The following CFAP45 variants were observed in gnomAD, a reference collection of about 807,000 sequenced individuals.
The protein encoded by CFAP45 is cilia- and flagella-associated protein 45.
CFAP45 carries 43 observed loss-of-function variants against 75.6 expected under a neutral mutation model. The observed-to-expected ratio is 0.57, with a 90% CI of 0.45 to 0.73. The LOEUF is 0.73. CFAP45 is among the 30% of genes least tolerant of loss of function. The probability of loss-of-function intolerance (pLI) is 0.00; values close to 1 mark genes in which losing one functional copy is unlikely to be tolerated. For missense variants in CFAP45, 689 were observed against 701.5 expected, an observed-to-expected ratio of 0.98 and a Z score of 0.20; for synonymous variants, 223 against 244.6, an observed-to-expected ratio of 0.91 and a Z score of 0.82.
Position 159,877,423 on chromosome 1 carries a change from G to A in CFAP45, c.1084C>T (p.Arg362Trp), listed in dbSNP as rs776738795. 61 of 1,613,912 alleles carry A rather than the reference G, an allele frequency of 3.8e-5. No homozygotes were observed. The Middle Eastern group carries it at 4.9e-4, about 13-fold the overall frequency. Residue 362 changes from arginine (R) to tryptophan (W), a missense_variant, in exon 9 of 12, where the codon CGG (arginine) becomes TGG (tryptophan). Physicochemically the swap from Arg to Trp is moderately radical, Grantham distance 101. Coordinates refer to ENST00000368099, the MANE Select transcript of CFAP45 (RefSeq NM_012337.3). ...AEFEAEQERIRREKEKEIARL... is the reference protein window; with the variant it reads ...AEFEAEQERIWREKEKEIARL... ...GCGATCTCCTTCTCTTTCTCCCTCCGGATTCTCTCCTGCTCAGCCTCAAAC... is the reference window on the plus strand; with the variant it reads ...GCGATCTCCTTCTCTTTCTCCCTCCAGATTCTCTCCTGCTCAGCCTCAAAC...
chr1:159,879,330 C>T (rs1025934310), intron 8 of CFAP45, among the ~76,000 whole-genome samples: 1 of 152,184 alleles, frequency 6.6e-6, no homozygotes, highest in Non-Finnish European at 1.5e-5. Context: ...ATCATCCCCA[C>T]CTTCATTCAC....
rs1389293192 is a variant in CFAP45, at chr1:159,887,940, A to G, written c.489T>C (p.Ser163=). ...GTTCCTTGGCCACCTCCTCCAGGTCACTGAGCTTCTTGTTGTTGTTCCACA... is the reference window on the plus strand; with the variant it reads ...GTTCCTTGGCCACCTCCTCCAGGTCGCTGAGCTTCTTGTTGTTGTTCCACA... ...EMVWNNNKKL[S]DLEEVAKERA... The change falls in exon 5 of 12, where the codon AGT becomes AGC. Residue 163 remains serine, a synonymous_variant. Coordinates refer to ENST00000368099, the MANE Select transcript of CFAP45 (RefSeq NM_012337.3). 9.3e-6 allele frequency: 15 copies of G among 1,614,192 alleles called. No homozygotes were observed. Among genetic ancestry groups the G allele is most frequent in the Non-Finnish European group, 1.2e-5 (14 of 1,180,028 alleles).
chr1:159,872,958 C>A lies in CFAP45; in HGVS notation c.1563G>T (p.Lys521Asn). The A allele has an allele frequency of 1.2e-6, 2 of 1,614,194 alleles. No homozygotes were observed. The change falls in exon 11 of 12, where the codon AAG (lysine) becomes AAT (asparagine). Residue 521 changes from lysine to asparagine, a missense_variant. Coordinates refer to ENST00000368099, the MANE Select transcript of CFAP45 (RefSeq NM_012337.3). ...RERIDEIKRK[K>N]LEELRATGLP... ...TTCCAGCGCACCTCAGCTCTTCAAG[C>A]TTTTTCCTCTTGATCTCATCGATGC... is the stretch of plus-strand genomic sequence containing the variant.
At chr1:159,897,971 G>T in intron 1 of CFAP45, 1 of 271,224 alleles carries the variant, frequency 3.7e-6, no homozygotes, top group Non-Finnish European at 5.7e-6. Flanking sequence ...GGCTAGAATA[G>T]GTCAGTGTGA....
intron 4 of CFAP45, 41 bp from the exon 5 acceptor site, chr1:159,888,052 G>A (rs1571186241): frequency 6.3e-7 from 1 of 1,595,612 alleles, no homozygotes; most frequent in Non-Finnish European, 8.6e-7. Context: ...ATTATTTCAT[G>A]CGCTCTGTGC....
intron 1 of CFAP45, among the ~76,000 whole-genome samples, chr1:159,899,710 G>A (rs373566002): frequency 6.6e-6 from 1 of 151,180 alleles, no homozygotes; most frequent in Non-Finnish European, 1.5e-5. Context: ...CTCATGATCC[G>A]CCCGCCTCTG....
chr1:159,893,613 G>A (rs1038346801), intron 1 of CFAP45, among the ~76,000 whole-genome samples: 1 of 152,174 alleles, frequency 6.6e-6, no homozygotes, highest in Non-Finnish European at 1.5e-5. Flanking sequence ...GAGAGGAAGG[G>A]GAGGGGCATG....
At chr1:159,873,191 G>C in intron 10 of CFAP45, 23 bp from the exon 11 acceptor site, 4 of 1,604,262 alleles carry the variant, frequency 2.5e-6, no homozygotes, top group Non-Finnish European at 3.4e-6. Flanking sequence ...AACAGGAATG[G>C]AATGAACTCA....
At chr1:159,877,127 G>A (rs908439152) in intron 9 of CFAP45, among the ~76,000 whole-genome samples, 7 of 152,310 alleles carry the variant, frequency 4.6e-5, no homozygotes, top group Middle Eastern at 3.4e-3. Flanking sequence ...ATGGAGCAGC[G>A]AAAAACTTTC....
chr1:159,880,518 A>T (rs1185368866), intron 8 of CFAP45, 36 bp downstream of exon 8: 1 of 1,599,452 alleles, frequency 6.3e-7, no homozygotes, highest in East Asian at 2.2e-5. Flanking sequence ...CAGACATTCC[A>T]TTCCTAACCA....
chr1:159,883,098 A>C (rs1000804132), intron 7 of CFAP45, among the ~76,000 whole-genome samples: 2 of 152,200 alleles, frequency 1.3e-5, no homozygotes, highest in Non-Finnish European at 2.9e-5. Context: ...ACCACCATCA[A>C]ATGCACTAGC....
chr1:159,888,799 C>A (rs1266514909), intron 3 of CFAP45, among the ~76,000 whole-genome samples: 1 of 145,084 alleles, frequency 6.9e-6, no homozygotes, highest in Non-Finnish European at 1.5e-5. Flanking sequence ...TGCCCCCCCA[C>A]CAAGGACCAA....
At chr1:159,885,678 A>T (rs1649661233) in intron 6 of CFAP45, among the ~76,000 whole-genome samples, 2 of 152,200 alleles carry the variant, frequency 1.3e-5, no homozygotes, top group South Asian at 4.1e-4. Context: ...ACAGAACTGG[A>T]TACGAAAGGA....
In CFAP45 at chr1:159,877,363, A is replaced by C; in HGVS notation, c.1144T>G (p.Tyr382Asp). The change falls in exon 9 of 12, where the codon TAC becomes GAC. Residue 382 changes from tyrosine to aspartate, a missense_variant. Transcript: ENST00000368099. The stretch of plus-strand genomic sequence containing the variant: ...TAAGCAGGTACCTGTTCTGCCTGGT[A>C]ATCCTGGGCCTTCTCCTGCATGGCC... ...LRAMQEKAQD[Y>D]QAEQDALRAK... 1 of 1,611,216 alleles carries C rather than the reference A, an allele frequency of 6.2e-7. No homozygotes were observed. Among genetic ancestry groups the C allele is most frequent in the Non-Finnish European group, 8.5e-7 (1 of 1,177,318 alleles).
At position 159,887,945 on chromosome 1, in the gene CFAP45, GCTT is replaced by G; in HGVS notation, c.481_483del (p.Lys161del). 6.2e-7 allele frequency: 1 copy of G among 1,614,224 alleles called. No homozygotes were observed. Among genetic ancestry groups the G allele is most frequent in the Non-Finnish European group, 8.5e-7 (1 of 1,180,044 alleles). On this transcript the variant is annotated inframe_deletion, in exon 5 of 12. Coordinates refer to ENST00000368099, the MANE Select transcript of CFAP45 (RefSeq NM_012337.3). Reference sequence around the variant, plus strand: ...TTGGCCACCTCCTCCAGGTCACTGAGCTTCTTGTTGTTGTTCCACACCATCTCC... The same window carrying G: ...TTGGCCACCTCCTCCAGGTCACTGAGCTTGTTGTTGTTCCACACCATCTCC...
chr1:159,886,356 T>G (rs1253489624), intron 6 of CFAP45, among the ~76,000 whole-genome samples, 155 bp downstream of exon 6: 1 of 151,456 alleles, frequency 6.6e-6, no homozygotes, highest in Non-Finnish European at 1.5e-5. Flanking sequence ...AAAAAAAAAG[T>G]TCTGTGATTC....
chr1:159,896,961 C>T (rs1373560783), intron 1 of CFAP45, among the ~76,000 whole-genome samples: 2 of 152,176 alleles, frequency 1.3e-5, no homozygotes, highest in African/African-American at 2.4e-5. Flanking sequence ...GTAAAGAAAA[C>T]AGACTGTAAG....
intron 10 of CFAP45, among the ~76,000 whole-genome samples, chr1:159,874,508 T>A (rs1338901467): frequency 6.6e-6 from 1 of 152,242 alleles, no homozygotes; most frequent in African/African-American, 2.4e-5. Flanking sequence ...GACACATCTC[T>A]GATAGCAGGG....
intron 10 of CFAP45, among the ~76,000 whole-genome samples, chr1:159,874,271 T>C (rs748581720): frequency 2.5e-4 from 38 of 152,218 alleles, no homozygotes; most frequent in Non-Finnish European, 4.6e-4. Context: ...GAGTCACCGA[T>C]ACCCCAACAA....
Sources: gnomAD v4.1 joint callset for allele counts (sites outside exome capture counted in the v4.1 genomes callset) on GRCh38, gnomAD v4.1.1 for gene constraint, MANE v1.5 for transcripts, NCBI Gene and HGNC (gene_info 2026-07-23, HGNC 2026-07-21) for gene names.